Variants in ADCY3 observed in about 807,000 individuals in gnomAD.
ADCY3 encodes adenylate cyclase 3.
Under a neutral mutation model 119.4 loss-of-function variants are expected in ADCY3, and 70 were observed. The ratio of observed to expected loss-of-function variants is 0.59; its 90% CI spans 0.48 to 0.72. ADCY3 has a LOEUF of 0.72. Ranked by LOEUF, ADCY3 falls within the 30% of genes least tolerant of loss-of-function variation. The probability of loss-of-function intolerance (pLI) is 0.00; values close to 1 mark genes in which losing one functional copy is unlikely to be tolerated. For synonymous variants in ADCY3, 672 were observed against 621.4 expected (o/e 1.08, Z -1.21); for missense variants, 1,238 against 1,541.6 (o/e 0.80, Z 3.30).
intron 3 of ADCY3, among the ~76,000 whole-genome samples, chr2:24,864,008 C>T (rs1169790320): frequency 1.3e-5 from 2 of 152,296 alleles, no homozygotes; most frequent in Non-Finnish European, 1.5e-5. Context: ...TATAGGAGGC[C>T]GGACGTGGTG....
intron 2 of ADCY3, among the ~76,000 whole-genome samples, chr2:24,887,555 G>A (rs961089837): frequency 6.6e-6 from 1 of 152,086 alleles, no homozygotes; most frequent in Non-Finnish European, 1.5e-5. Flanking sequence ...TAGCCGTGAT[G>A]GCTCCTGAGG....
chr2:24,911,197 C>T (rs966320882), intron 2 of ADCY3, among the ~76,000 whole-genome samples: 2 of 149,984 alleles, frequency 1.3e-5, no homozygotes, highest in Non-Finnish European at 3.0e-5. Flanking sequence ...CAACAGGCTC[C>T]GAGGGAAGAT....
chr2:24,857,302 A>G (rs1254901084), intron 3 of ADCY3, among the ~76,000 whole-genome samples: 1 of 152,248 alleles, frequency 6.6e-6, no homozygotes, highest in Non-Finnish European at 1.5e-5. Context: ...TGGTACCTGG[A>G]GCCCTCACCA....
chr2:24,827,927 C>A lies in ADCY3; in HGVS notation c.2407G>T (p.Asp803Tyr). Residue 803 changes from aspartate (D) to tyrosine (Y), a missense_variant, in exon 14 of 22, where the codon GAC (aspartate) becomes TAC (tyrosine). Physicochemically the swap from Asp to Tyr is radical, Grantham distance 160. Around this residue, in one of 7 missense-constraint regions of ADCY3, gnomAD observed 499 missense variants for 571.0 expected, o/e 0.87. Transcript: ENST00000679454. ...TCGTGCTCCCGAAAACGCTTGTGGT[C>A]GTATTCATCAAAGACGGGACGCCAG... ...YAWRPVFDEY[D>Y]HKRFREHDLP... The A allele has an allele frequency of 6.2e-7, 1 of 1,614,148 alleles. No individual in the cohort carries two copies. Among genetic ancestry groups the A allele is most frequent in the Non-Finnish European group, 8.5e-7 (1 of 1,180,046 alleles).
intron 3 of ADCY3, among the ~76,000 whole-genome samples, chr2:24,852,065 T>C (rs1672360404): frequency 6.6e-6 from 1 of 152,126 alleles, no homozygotes; most frequent in Non-Finnish European, 1.5e-5. Context: ...AGCCCTGGTG[T>C]TTTGTAACAT....
chr2:24,823,500 T>C, intron 17 of ADCY3, 145 bp from the exon 18 acceptor site: 2 of 951,012 alleles, frequency 2.1e-6, no homozygotes, highest in Non-Finnish European at 3.0e-6. Context: ...GCATTTTTTT[T>C]TTTTTTTTTA....
chr2:24,837,217 T>C (rs778567839), intron 8 of ADCY3, among the ~76,000 whole-genome samples, 172 bp from the exon 9 acceptor site: 1 of 152,166 alleles, frequency 6.6e-6, no homozygotes, highest in Non-Finnish European at 1.5e-5. Flanking sequence ...AACTTTTTGG[T>C]CTGAGCAGTT....
rs1049157567 is a variant in ADCY3, at chr2:24,918,862, G to A, written c.126C>T (p.Asn42=). The A allele has an allele frequency of 1.4e-5, 23 of 1,613,140 alleles. No individual in the cohort carries two copies. The highest frequency in any genetic ancestry group is 1.9e-5 in the Non-Finnish European group (23 of 1,180,032). Residue 42 remains asparagine (N), a synonymous_variant, in exon 2 of 22, where the codon AAC becomes AAT. Coordinates refer to ENST00000679454, the MANE Select transcript of ADCY3 (RefSeq NM_004036.5). The surrounding 1 kb of genome is among the most constrained non-coding windows in gnomAD (Gnocchi z 5.4). ...GAGGCAGGCACAGGCAGGAGCCCGA[G>A]TTCCGGACCGAGATTTCATGGGTCC... ...VGRTHEISVR[N]SGSCLCLPRF...
At chr2:24,831,876 TGGACAGG>T (rs1241037924) in intron 11 of ADCY3, 127 bp from the exon 12 acceptor site, 6 of 42,462 alleles carry the variant, frequency 1.4e-4, no homozygotes, top group African/African-American at 3.6e-4. Flanking sequence ...CAGGGGACAG[TGGACAGG>T]GGCCAGGGGG....
chr2:24,842,241 C>T lies in ADCY3; in HGVS notation c.956+13G>A, dbSNP rs374119868. ...TGCTCTGCCATCAGAGCCCGCGCCCCGGGCCGGCGTACCTGACGTTCTCGT... is the reference window on the plus strand; with the variant it reads ...TGCTCTGCCATCAGAGCCCGCGCCCTGGGCCGGCGTACCTGACGTTCTCGT... On this transcript the variant is annotated intron_variant, in intron 4 of 21. Coordinates refer to ENST00000679454, the MANE Select transcript of ADCY3 (RefSeq NM_004036.5). The surrounding 1 kb of genome is among the most constrained non-coding windows in gnomAD (Gnocchi z 4.9). 46 of 1,613,860 alleles carry T rather than the reference C, an allele frequency of 2.9e-5. No individual in the cohort carries two copies. Among genetic ancestry groups the T allele is most frequent in the South Asian group, 2.6e-4 (24 of 91,076 alleles).
In ADCY3 at chr2:24,872,212, C is replaced by A. The variant is rs1675104708; in HGVS notation, c.825+358G>T. On this transcript the variant is annotated intron_variant, in intron 3 of 21. Coordinates refer to ENST00000679454, the MANE Select transcript of ADCY3 (RefSeq NM_004036.5). The surrounding 1 kb of genome is among the most constrained non-coding windows in gnomAD (Gnocchi z 4.4). ...TGATGCCCCTGACCCTGACCTTGGT[C>A]CCGAGAAGGTCATCTGAGAAAGGAA... 6.6e-6 allele frequency among the ~76,000 whole-genome samples: 1 copy of A among 152,204 alleles called. No homozygotes were observed. Among genetic ancestry groups the A allele is most frequent in the African/African-American group, 2.4e-5 (1 of 41,456 alleles).
At chr2:24,827,677 G>A (rs1572801735) in intron 14 of ADCY3, 69 bp from the exon 15 acceptor site, 3 of 1,513,678 alleles carry the variant, frequency 2.0e-6, no homozygotes, top group South Asian at 2.4e-5. Context: ...GCCAGGCACC[G>A]GGGTATCCCA....
intron 2 of ADCY3, among the ~76,000 whole-genome samples, chr2:24,900,925 C>T (rs1412804454): frequency 2.6e-5 from 4 of 152,064 alleles, no homozygotes; most frequent in African/African-American, 9.7e-5. Flanking sequence ...ATCAGCTGGG[C>T]GTGGTAGTGG....
intron 2 of ADCY3, among the ~76,000 whole-genome samples, chr2:24,905,947 C>G (rs985036233): frequency 1.3e-5 from 2 of 151,986 alleles, no homozygotes. Flanking sequence ...GAAAGCCACC[C>G]GGGGTGAGGG....
At chr2:24,876,799 C>T (rs1675765348) in intron 2 of ADCY3, among the ~76,000 whole-genome samples, 2 of 152,206 alleles carry the variant, frequency 1.3e-5, no homozygotes, top group African/African-American at 4.8e-5. Flanking sequence ...AACTTGAACC[C>T]TAGCGAGAAT....
intron 3 of ADCY3, among the ~76,000 whole-genome samples, chr2:24,858,142 G>A (rs982335754): frequency 2.6e-5 from 4 of 151,332 alleles, no homozygotes; most frequent in Admixed American, 1.3e-4. Flanking sequence ...GGGACTACAG[G>A]TGCGCACCAC....
chr2:24,868,591 G>A (rs994871539), intron 3 of ADCY3, among the ~76,000 whole-genome samples: 3 of 152,106 alleles, frequency 2.0e-5, no homozygotes, highest in South Asian at 4.1e-4. Flanking sequence ...CCTAGACTGC[G>A]CCACTGAACT....
chr2:24,831,942 A>AGGGGC (rs1558419218), intron 11 of ADCY3, among the ~76,000 whole-genome samples, 193 bp from the exon 12 acceptor site: 33 of 54,722 alleles, frequency 6.0e-4, no homozygotes, highest in East Asian at 3.7e-3. Context: ...TGGCCAGGGG[A>AGGGGC]CAGCAGACAG....
At chr2:24,822,387 G>T (rs746727430) in intron 19 of ADCY3, 124 bp downstream of exon 19, 1 of 1,317,466 alleles carries the variant, frequency 7.6e-7, no homozygotes, top group Non-Finnish European at 1.1e-6. Context: ...TTTACGTGGT[G>T]CTGGTGGTGT....
Sources: gnomAD v4.1 joint callset for allele counts (sites outside exome capture counted in the v4.1 genomes callset) on GRCh38, gnomAD v4.1.1 for gene constraint, gnomAD v4.1.1 regional missense constraint, Gnocchi (gnomAD v3.1) non-coding constraint, MANE v1.5 for transcripts, NCBI Gene and HGNC (gene_info 2026-07-23, HGNC 2026-07-21) for gene names.